PDLIM1: variants seen among roughly 807,000 people sequenced by gnomAD.
PDLIM1 encodes PDZ and LIM domain 1.
In PDLIM1, 25 loss-of-function variants were observed where a neutral mutation model predicts 35.2. The observed-to-expected ratio is 0.71, with a 90% CI of 0.52 to 0.99. The LOEUF (loss-of-function observed/expected upper bound fraction) is 0.99, where lower values mean the gene tolerates loss of function less well. Among genes scored for constraint, PDLIM1 ranks in the 50% least tolerant of loss-of-function variants. The pLI is 0.00. For missense variants in PDLIM1, 363 were observed against 415.3 expected (o/e 0.87, Z 1.09); for synonymous variants, 152 against 154.0 (o/e 0.99, Z 0.10).
intron 6 of PDLIM1, 74 bp from the exon 7 acceptor site, chr10:95,238,185 A>T: frequency 4.4e-6 from 6 of 1,358,514 alleles, no homozygotes; most frequent in Non-Finnish European, 6.1e-6. Context: ...AGGTGGCACC[A>T]TCCTTCCTGA....
chr10:95,250,458 T>G (rs2035257699), intron 4 of PDLIM1, among the ~76,000 whole-genome samples: 1 of 152,186 alleles, frequency 6.6e-6, no homozygotes, highest in Non-Finnish European at 1.5e-5. Context: ...ACTTAAGGTA[T>G]TGATACACCT....
intron 4 of PDLIM1, among the ~76,000 whole-genome samples, chr10:95,250,431 T>G (rs1227309090): frequency 6.6e-6 from 1 of 152,058 alleles, no homozygotes; most frequent in Non-Finnish European, 1.5e-5. Flanking sequence ...TAAAGGACTC[T>G]CAATATCTAT....
intron 5 of PDLIM1, 161 bp from the exon 6 acceptor site, chr10:95,238,846 C>T: frequency 1.8e-6 from 1 of 544,426 alleles, no homozygotes; most frequent in Non-Finnish European, 3.4e-6. Context: ...CTCTCTGGTC[C>T]CCAGTTTATT....
At chr10:95,272,108 A>G (rs998415252) in intron 1 of PDLIM1, among the ~76,000 whole-genome samples, 1 of 152,140 alleles carries the variant, frequency 6.6e-6, no homozygotes, top group Non-Finnish European at 1.5e-5. Flanking sequence ...CTGGTCCTCC[A>G]ACTAGTGTAT....
intron 1 of PDLIM1, among the ~76,000 whole-genome samples, chr10:95,273,835 T>C (rs1482144177): frequency 6.6e-6 from 1 of 152,206 alleles, no homozygotes; most frequent in Non-Finnish European, 1.5e-5. Flanking sequence ...TCTGACCTGT[T>C]GTCCTGAGAA....
Position 95,264,049 on chromosome 10 carries a change from T to C in PDLIM1, c.348A>G (p.Ile116Met), listed in dbSNP as rs1837391084. The change falls in exon 4 of 7, where the codon ATA (isoleucine) becomes ATG (methionine). Residue 116 changes from isoleucine to methionine, a missense_variant. By Grantham distance (10) the Ile-to-Met change is conservative. Coordinates refer to ENST00000329399, the MANE Select transcript of PDLIM1 (RefSeq NM_020992.4). ...TGGCACTTCGGTTGTGGGCGCTTCC[T>C]ATGTGCAGGACCTCCTGCAGGCAGG... ...LASEPQEVLHIGSAHNRSAMP... is the reference protein window; with the variant it reads ...LASEPQEVLHMGSAHNRSAMP... 6.2e-7 allele frequency: 1 copy of C among 1,613,380 alleles called. No homozygotes were observed. The highest frequency in any genetic ancestry group is 8.5e-7 in the Non-Finnish European group (1 of 1,179,790).
At chr10:95,273,364 G>C (rs959573917) in intron 1 of PDLIM1, 1 of 152,186 alleles carries the variant, frequency 6.6e-6, no homozygotes, top group Admixed American at 6.5e-5. Context: ...GGACACACAA[G>C]TTGGGTCCTA....
At chr10:95,258,544 C>T (rs2035335741) in intron 4 of PDLIM1, among the ~76,000 whole-genome samples, 1 of 152,020 alleles carries the variant, frequency 6.6e-6, no homozygotes, top group African/African-American at 2.4e-5. Context: ...TATATTACAA[C>T]ATGGGAAAAC....
At chr10:95,275,770 TGG>T (rs1311351660) in intron 1 of PDLIM1, among the ~76,000 whole-genome samples, 1 of 152,174 alleles carries the variant, frequency 6.6e-6, no homozygotes, top group Non-Finnish European at 1.5e-5. Flanking sequence ...AACTGTTTTG[TGG>T]GAGAGACATT....
At chr10:95,257,688 C>A (rs1438271284) in intron 4 of PDLIM1, among the ~76,000 whole-genome samples, 1 of 152,064 alleles carries the variant, frequency 6.6e-6, no homozygotes, top group Non-Finnish European at 1.5e-5. Context: ...GGAGCCCTTG[C>A]GTATTGATGA....
rs1366818834 is a variant in PDLIM1, at chr10:95,238,000, G to A, written c.915C>T (p.Ile305=). Reference sequence around the variant, plus strand: ...GCTCCCGGGCATGCTTCTCACAGTAGATTTGATCCTCCACAAAGAAATGGC... The same window carrying A: ...GCTCCCGGGCATGCTTCTCACAGTAAATTTGATCCTCCACAAAGAAATGGC... The part of the protein sequence containing the change: ...QKGHFFVEDQ[I]YCEKHARERV... Residue 305 remains isoleucine (I), a synonymous_variant, in exon 7 of 7, where the codon ATC becomes ATT. Coordinates refer to ENST00000329399, the MANE Select transcript of PDLIM1 (RefSeq NM_020992.4). The A allele has an allele frequency of 1.9e-6, 3 of 1,614,072 alleles. No individual in the cohort carries two copies. Among genetic ancestry groups the A allele is most frequent in the African/African-American group, 2.7e-5 (2 of 74,918 alleles).
rs1348651584 is a variant in PDLIM1 at position 95,290,747 on chromosome 10, C to G, written c.96+73G>C. ...GGTTCCGACTCCGTCCCCGACCGCG[C>G]CCGCGGGGCCCCAGTCTCCGCATAT... On this transcript the variant is annotated intron_variant, in intron 1 of 6. Coordinates refer to ENST00000329399, the MANE Select transcript of PDLIM1 (RefSeq NM_020992.4). This position sits in a 1 kb window ranked among gnomAD's most constrained non-coding sequence, Gnocchi z 4.7. 23 of 1,095,186 alleles carry G rather than the reference C, an allele frequency of 2.1e-5. No individual in the cohort carries two copies. The highest frequency in any genetic ancestry group is 2.9e-5 in the Non-Finnish European group (23 of 787,622). 67.8% of individuals were successfully genotyped at this position (1,095,186 alleles called of 1,614,324 possible).
At chr10:95,248,933 C>T (rs748612274) in intron 4 of PDLIM1, among the ~76,000 whole-genome samples, 106 of 152,348 alleles carry the variant, frequency 7.0e-4, no homozygotes, top group Non-Finnish European at 9.7e-4. Flanking sequence ...TTCCTGACCC[C>T]GACTCCAAAC....
intron 5 of PDLIM1, 199 bp from the exon 6 acceptor site, chr10:95,238,884 G>A (rs2035150292): frequency 4.0e-6 from 2 of 500,784 alleles, no homozygotes; most frequent in Admixed American, 3.2e-5. Flanking sequence ...ATTAACACCT[G>A]GCCAAAGAAA....
intron 1 of PDLIM1, among the ~76,000 whole-genome samples, chr10:95,278,827 G>A (rs1260684136): frequency 3.3e-5 from 5 of 152,150 alleles, no homozygotes; most frequent in Admixed American, 2.6e-4. Context: ...TACTCTAACC[G>A]ACGCTCAAAG....
At chr10:95,243,767 C>T (rs1486866483) in intron 5 of PDLIM1, among the ~76,000 whole-genome samples, 1 of 152,084 alleles carries the variant, frequency 6.6e-6, no homozygotes, top group Non-Finnish European at 1.5e-5. Flanking sequence ...CGGAATAATA[C>T]TCTGCCTTAA....
rs944840667 is a variant in PDLIM1, at chr10:95,271,541, G to A, written c.248+92C>T. The A allele has an allele frequency of 1.1e-4, 118 of 1,091,478 alleles. 1 individual carries two copies. Among genetic ancestry groups the A allele is most frequent in the Middle Eastern group, 6.2e-4 (2 of 3,214 alleles). The allele number at this position is 1,091,478 out of a possible 1,614,324, so 67.6% of individuals were successfully genotyped here. ...TATATACATGGCACTGAGCTAGGAG[G>A]TCTGGGGGATTCTGAGATAGGGAAG... is the stretch of plus-strand genomic sequence containing the variant. On this transcript the variant is annotated intron_variant, in intron 2 of 6. Coordinates refer to ENST00000329399, the MANE Select transcript of PDLIM1 (RefSeq NM_020992.4).
At chr10:95,257,022 G>GAAAGAAAGAAAGAAAGAAAGAA (rs1589510527) in intron 4 of PDLIM1, among the ~76,000 whole-genome samples, 1 of 109,466 alleles carries the variant, frequency 9.1e-6, no homozygotes, top group East Asian at 2.2e-4. Flanking sequence ...AAGAAAGAAA[G>GAAAGAAAGAAAGAAAGAAAGAA]AAAGAAAGAA....
At chr10:95,258,457 G>A (rs140404822) in intron 4 of PDLIM1, among the ~76,000 whole-genome samples, 3,449 of 151,936 alleles carry the variant, frequency 0.023, 113 homozygotes, top group African/African-American at 0.077. Flanking sequence ...AGCCAAGATC[G>A]CGCCACTGCA....
Sources: allele counts gnomAD v4.1 joint callset (sites outside exome capture counted in the v4.1 genomes callset), GRCh38; gene constraint gnomAD v4.1.1; non-coding constraint Gnocchi (gnomAD v3.1); transcripts MANE v1.5; gene names NCBI Gene and HGNC (gene_info 2026-07-23, HGNC 2026-07-21).